ADRA1B: variants seen among roughly 807,000 people sequenced by gnomAD.
ADRA1B encodes the protein alpha-1B adrenergic receptor.
Under a neutral mutation model 17.9 loss-of-function variants are expected in ADRA1B, and 17 were observed. The observed-to-expected ratio is 0.95, with a 90% CI of 0.65 to 1.42. The LOEUF is 1.42. Among genes scored for constraint, ADRA1B ranks in the 40% most tolerant of loss-of-function variants. ADRA1B has a pLI of 0.00. For missense variants in ADRA1B, 681 were observed against 722.1 expected, an observed-to-expected ratio of 0.94 and a Z score of 0.65; for synonymous variants, 366 against 327.6, an observed-to-expected ratio of 1.12 and a Z score of -1.27.
chr5:159,983,544 A>T, the ADRA1B span, among the ~76,000 whole-genome samples: 1 of 152,194 alleles, frequency 6.6e-6, no homozygotes, highest in Non-Finnish European at 1.5e-5. Context: ...CTTAAGATAC[A>T]GTGATGAACA....
intron 1 of ADRA1B, among the ~76,000 whole-genome samples, chr5:159,891,918 A>G (rs1037612333): frequency 5.3e-5 from 8 of 152,180 alleles, no homozygotes; most frequent in East Asian, 1.9e-4. Flanking sequence ...CTGAAATTTG[A>G]AAGGGGTTCC....
At chr5:159,886,894 T>C (rs78887267) in intron 1 of ADRA1B, among the ~76,000 whole-genome samples, 4,469 of 152,304 alleles carry the variant, frequency 0.029, 79 homozygotes, top group Middle Eastern at 0.071. Flanking sequence ...TACATATATA[T>C]ACATGGTTGT....
chr5:159,958,892 G>C (rs1755615175), intron 1 of ADRA1B, among the ~76,000 whole-genome samples: 1 of 152,220 alleles, frequency 6.6e-6, no homozygotes, highest in African/African-American at 2.4e-5. Context: ...TCAAAGCATG[G>C]AACAAATTCA....
intron 1 of ADRA1B, among the ~76,000 whole-genome samples, chr5:159,881,381 T>G (rs1753862578): frequency 6.7e-6 from 1 of 150,334 alleles, no homozygotes; most frequent in Non-Finnish European, 1.5e-5. Flanking sequence ...CATTCCCATG[T>G]TCTCTATATC....
chr5:159,983,609 C>T, the ADRA1B span, among the ~76,000 whole-genome samples: 1 of 152,244 alleles, frequency 6.6e-6, no homozygotes, highest in African/African-American at 2.4e-5. Flanking sequence ...CCAGCCGAAC[C>T]GAAATTAGGA....
chr5:159,926,940 A>AG (rs1754670053), intron 1 of ADRA1B, among the ~76,000 whole-genome samples: 2 of 152,242 alleles, frequency 1.3e-5, no homozygotes, highest in South Asian at 4.1e-4. Flanking sequence ...AAATGGGCTC[A>AG]GGGGGGTTAA....
intron 1 of ADRA1B, among the ~76,000 whole-genome samples, chr5:159,943,732 C>T (rs1755196118): frequency 6.6e-6 from 1 of 152,062 alleles, no homozygotes; most frequent in African/African-American, 2.4e-5. Flanking sequence ...GATTTTTTCC[C>T]AATCTTTTCT....
intron 1 of ADRA1B, among the ~76,000 whole-genome samples, chr5:159,931,107 A>G (rs1754791624): frequency 6.6e-6 from 1 of 150,492 alleles, no homozygotes; most frequent in Non-Finnish European, 1.5e-5. Context: ...GCTTTGGCCC[A>G]TGCTGGGAGC....
the ADRA1B span, among the ~76,000 whole-genome samples, chr5:159,979,921 G>T: frequency 9.2e-5 from 14 of 151,692 alleles, no homozygotes; most frequent in African/African-American, 3.1e-4. Flanking sequence ...GAGCAGAGGA[G>T]ACAAAGCATG....
intron 1 of ADRA1B, among the ~76,000 whole-genome samples, chr5:159,955,543 T>A (rs1030038396): frequency 2.6e-5 from 4 of 152,136 alleles, no homozygotes; most frequent in African/African-American, 9.7e-5. Flanking sequence ...CTGGAAATTG[T>A]CCCTGTTCTC....
chr5:159,913,917 T>G (rs1335677076), upstream of ADRA1B, among the ~76,000 whole-genome samples: 2 of 152,192 alleles, frequency 1.3e-5, no homozygotes. Flanking sequence ...TTTGTGCTAA[T>G]GCCAGCTACG....
chr5:159,920,244 C>T (rs185908424), intron 1 of ADRA1B, among the ~76,000 whole-genome samples: 58 of 152,196 alleles, frequency 3.8e-4, no homozygotes, highest in African/African-American at 1.3e-3. Flanking sequence ...CCCTGGAAGC[C>T]AGGGTTTTAA....
chr5:159,895,527 C>T (rs1348210083), intron 1 of ADRA1B, among the ~76,000 whole-genome samples: 2 of 152,220 alleles, frequency 1.3e-5, no homozygotes, highest in Non-Finnish European at 1.5e-5. Flanking sequence ...TTCAGGTTTA[C>T]AAGCTTGTGC....
At chr5:159,933,987 G>A (rs976582340) in intron 1 of ADRA1B, among the ~76,000 whole-genome samples, 5 of 152,210 alleles carry the variant, frequency 3.3e-5, no homozygotes, top group African/African-American at 1.2e-4. Context: ...TTTAGATCAG[G>A]GCATGGCAAA....
upstream of ADRA1B, chr5:159,916,190 C>A (rs368609840): frequency 6.6e-6 from 1 of 152,276 alleles, no homozygotes; most frequent in South Asian, 2.1e-4. Context: ...GGTAAGCAGC[C>A]CCCAACCCAC....
At position 159,902,494 on chromosome 5, in the gene ADRA1B, T is replaced by TA. The variant is rs75941436; in HGVS notation, c.-255-13613dup. Among the ~76,000 whole-genome samples, 50 of 144,506 alleles carry TA rather than the reference T, an allele frequency of 3.5e-4. 1 individual carries two copies. Among genetic ancestry groups the TA allele is most frequent in the Admixed American group, 8.3e-4 (12 of 14,502 alleles). 94.8% of individuals were successfully genotyped at this position (144,506 alleles called of 152,430 possible). A position where few individuals can be genotyped will look rare whatever the true frequency, so the allele number is the denominator to read the frequency against. On this transcript the variant is annotated intron_variant, in intron 1 of 2. Coordinates refer to the ADRA1B transcript ENST00000641205. ...TGTTATGTATTTTTTAACCACCATTTAAAAAAAAAAAAGGAATGTTTGAAA... is the reference window on the plus strand; with the variant it reads ...TGTTATGTATTTTTTAACCACCATTTAAAAAAAAAAAAAGGAATGTTTGAAA...
At chr5:159,865,822 C>A (rs958634161) in intron 1 of ADRA1B, among the ~76,000 whole-genome samples, 6 of 152,150 alleles carry the variant, frequency 3.9e-5, no homozygotes, top group African/African-American at 1.4e-4. Context: ...ACAAGTAGCC[C>A]CTGGCAGACG....
intron 1 of ADRA1B, among the ~76,000 whole-genome samples, chr5:159,962,980 T>C (rs74421267): frequency 0.093 from 13,093 of 141,134 alleles, 1,285 homozygotes; most frequent in African/African-American, 0.24. Flanking sequence ...GCCCAGGTTG[T>C]TCTCAAACTC....
chr5:159,914,868 G>GATACCT (rs1754263516), upstream of ADRA1B, among the ~76,000 whole-genome samples: 1 of 152,134 alleles, frequency 6.6e-6, no homozygotes, highest in South Asian at 2.1e-4. Context: ...GTAAAAGAAG[G>GATACCT]TATCAGGCTT....
Sources: allele counts gnomAD v4.1 joint callset (sites outside exome capture counted in the v4.1 genomes callset), GRCh38; gene constraint gnomAD v4.1.1; transcripts MANE v1.5; gene names NCBI Gene and HGNC (gene_info 2026-07-23, HGNC 2026-07-21).